STAB2: variants seen among roughly 807,000 people sequenced by gnomAD.
The protein encoded by STAB2 is stabilin 2, also known as stabilin-2.
Under a neutral mutation model 338.1 loss-of-function variants are expected in STAB2, and 288 were observed. The ratio of observed to expected loss-of-function variants is 0.85; its 90% CI spans 0.77 to 0.94. The LOEUF (loss-of-function observed/expected upper bound fraction) is 0.94. STAB2 is among the 40% of genes least tolerant of loss of function. STAB2 has a pLI of 0.00. For missense variants in STAB2, 3,141 were observed against 3,210.1 expected (o/e 0.98, Z 0.52); for synonymous variants, 1,202 against 1,193.3 (o/e 1.01, Z -0.15).
intron 20 of STAB2, 64 bp downstream of exon 20, chr12:103,668,793 T>TCTTGGGTC (rs879108329): frequency 1.2e-5 from 17 of 1,430,708 alleles, no homozygotes; most frequent in Middle Eastern, 2.2e-4. Flanking sequence ...AGGGCCATGC[T>TCTTGGGTC]CTTGGGTCCT....
intron 36 of STAB2, chr12:103,704,861 C>G (rs1049790490): frequency 2.2e-5 from 8 of 362,608 alleles, no homozygotes; most frequent in African/African-American, 1.5e-4. Context: ...TTTTTATGCT[C>G]TACGTCTTTC....
intron 39 of STAB2, 44 bp from the exon 40 acceptor site, chr12:103,711,427 G>A (rs373769436): frequency 6.8e-6 from 11 of 1,612,870 alleles, no homozygotes; most frequent in Non-Finnish European, 9.3e-6. Flanking sequence ...CCTCAGGTGA[G>A]ATTTAGTAAG....
intron 3 of STAB2, among the ~76,000 whole-genome samples, chr12:103,617,588 C>T (rs916777394): frequency 6.6e-6 from 1 of 152,220 alleles, no homozygotes; most frequent in Admixed American, 6.5e-5. Flanking sequence ...AACATTCTGA[C>T]TGCAATGTCC....
At chr12:103,691,357 T>C (rs1877920525) in intron 30 of STAB2, among the ~76,000 whole-genome samples, 1 of 152,250 alleles carries the variant, frequency 6.6e-6, no homozygotes, top group Non-Finnish European at 1.5e-5. Flanking sequence ...AAAAGATCTA[T>C]GCGTAGTAAT....
intron 43 of STAB2, among the ~76,000 whole-genome samples, chr12:103,716,165 C>T (rs1486959885): frequency 1.3e-5 from 2 of 152,110 alleles, no homozygotes; most frequent in Non-Finnish European, 2.9e-5. Flanking sequence ...CTAGACAGTC[C>T]CCTAAAATAC....
chr12:103,598,403 G>A (rs1050134561), intron 3 of STAB2, among the ~76,000 whole-genome samples: 1 of 152,198 alleles, frequency 6.6e-6, no homozygotes, highest in African/African-American at 2.4e-5. Flanking sequence ...CATTAGGAAA[G>A]TCAGGATGCA....
chr12:103,674,225 A>C lies in STAB2; in HGVS notation c.2552+138A>C, dbSNP rs1025530826. 25 of 1,023,674 alleles carry C rather than the reference A, an allele frequency of 2.4e-5. No individual in the cohort carries two copies. In the Admixed American group the frequency reaches 4.4e-4, roughly 18 times the overall value. The allele number at this position is 1,023,674 out of a possible 1,614,324, so 63.4% of individuals were successfully genotyped here. On this transcript the variant is annotated intron_variant, in intron 23 of 68. Coordinates refer to ENST00000388887, the MANE Select transcript of STAB2 (RefSeq NM_017564.10). ...AACTGAGGCCTGTTATCTCCAGCTG[A>C]CAGTGTGGTGTTTGTGAAAAGAACC... is the stretch of plus-strand genomic sequence containing the variant.
At chr12:103,755,739 G>A (rs1178656455) in intron 63 of STAB2, 21 bp downstream of exon 63, 1 of 1,613,306 alleles carries the variant, frequency 6.2e-7, no homozygotes, top group Non-Finnish European at 8.5e-7. Flanking sequence ...TGTCTGCTTG[G>A]TTTGCCTCAG....
Position 103,727,462 on chromosome 12 carries a change from G to A in STAB2, c.4935+112G>A, listed in dbSNP as rs1881302967. On this transcript the variant is annotated intron_variant, in intron 47 of 68. Transcript: ENST00000388887. Reference sequence around the variant, plus strand: ...TTTCTAAGCAGGAGCTCTGAGATCAGGTGGAACTCACCAGCAATAGAAGGG... The same window carrying A: ...TTTCTAAGCAGGAGCTCTGAGATCAAGTGGAACTCACCAGCAATAGAAGGG... 9 of 1,220,558 alleles carry A rather than the reference G, an allele frequency of 7.4e-6. No individual in the cohort carries two copies. In the South Asian group the frequency reaches 9.8e-5, roughly 13 times the overall value. 75.6% of individuals were successfully genotyped at this position (1,220,558 alleles called of 1,614,324 possible).
rs745609486 is a variant in STAB2, at chr12:103,640,240, G to T, written c.1024G>T (p.Ala342Ser). The T allele has an allele frequency of 6.2e-6, 10 of 1,612,838 alleles. No individual in the cohort carries two copies. Among genetic ancestry groups the T allele is most frequent in the Non-Finnish European group, 6.8e-6 (8 of 1,179,280 alleles). ...CHRNANCTTV[A>S]PGRTECICQK... is the part of the protein sequence containing the mutation. ...TAGGAATGCAAATTGCACCACCGTC[G>T]CACCAGGCCGAACTGAGTAAGTCTT... The change falls in exon 9 of 69, where the codon GCA becomes TCA. Residue 342 changes from alanine (A) to serine (S), a missense_variant. Transcript: ENST00000388887.
chr12:103,721,908 C>T (rs1593283163), intron 44 of STAB2, among the ~76,000 whole-genome samples: 1 of 146,612 alleles, frequency 6.8e-6, no homozygotes, highest in Non-Finnish European at 1.5e-5. Context: ...ATCAAGGACA[C>T]TATCTAGATT....
chr12:103,680,771 G>C (rs958809757), intron 25 of STAB2, among the ~76,000 whole-genome samples: 8 of 152,260 alleles, frequency 5.3e-5, no homozygotes, highest in Non-Finnish European at 1.0e-4. Flanking sequence ...GACTAGGAGA[G>C]GGGGAGTGAT....
At chr12:103,730,860 G>A (rs757342709) in intron 49 of STAB2, among the ~76,000 whole-genome samples, 1 of 152,066 alleles carries the variant, frequency 6.6e-6, no homozygotes, top group Non-Finnish European at 1.5e-5. Context: ...ACCAGCCTGG[G>A]CAACATAGTG....
chr12:103,717,988 A>C, intron 44 of STAB2, 147 bp downstream of exon 44: 1 of 763,866 alleles, frequency 1.3e-6, no homozygotes, highest in Non-Finnish European at 2.2e-6. Context: ...TCTCTGGCAC[A>C]CTCCATTGTA....
chr12:103,635,724 G>A (rs770886779), intron 6 of STAB2, among the ~76,000 whole-genome samples: 1 of 152,218 alleles, frequency 6.6e-6, no homozygotes, highest in Non-Finnish European at 1.5e-5. Flanking sequence ...ACCACACACA[G>A]AGGTGCACTG....
rs747403501 is a variant in STAB2, at chr12:103,620,483, CGG to C, written c.350_351del (p.Gly117ValfsTer11). ...GATTCCCTAGAGTGCCCAGGTGGAG[CGG>C]GGTCACCCTGCAATGGCAGAGGCAG... On this transcript the variant is annotated frameshift_variant, in exon 4 of 69. Coordinates refer to ENST00000388887, the MANE Select transcript of STAB2 (RefSeq NM_017564.10). LOFTEE classifies it high-confidence loss of function. 6.3e-7 allele frequency: 1 copy of C among 1,583,424 alleles called. No homozygotes were observed. Among genetic ancestry groups the C allele is most frequent in the Non-Finnish European group, 8.6e-7 (1 of 1,163,346 alleles).
chr12:103,652,726 C>A, intron 12 of STAB2, 21 bp downstream of exon 12: 1 of 1,552,508 alleles, frequency 6.4e-7, no homozygotes, highest in South Asian at 1.3e-5. Flanking sequence ...CTCTGATTTT[C>A]ACTCCCAGAA....
chr12:103,714,004 C>A (rs1464812737), intron 42 of STAB2, among the ~76,000 whole-genome samples: 1 of 152,132 alleles, frequency 6.6e-6, no homozygotes, highest in Non-Finnish European at 1.5e-5. Context: ...AACATCATGG[C>A]GATGACAGAA....
chr12:103,671,708 T>A (rs1875812155), intron 22 of STAB2, among the ~76,000 whole-genome samples: 1 of 152,224 alleles, frequency 6.6e-6, no homozygotes, highest in Non-Finnish European at 1.5e-5. Flanking sequence ...TTTTTATCTA[T>A]TGTTGTTGCT....
Sources: allele counts gnomAD v4.1 joint callset (sites outside exome capture counted in the v4.1 genomes callset), GRCh38; gene constraint gnomAD v4.1.1; transcripts MANE v1.5; gene names NCBI Gene and HGNC (gene_info 2026-07-23, HGNC 2026-07-21).